DNAH7: variants seen among roughly 807,000 people sequenced by gnomAD.
DNAH7 encodes the protein axonemal beta dynein heavy chain 7.
A neutral mutation model predicts 444.6 loss-of-function variants in DNAH7; 397 were observed. That is an observed-to-expected ratio of 0.89 (90% CI 0.82 to 0.97). The LOEUF (loss-of-function observed/expected upper bound fraction) is 0.97, where lower values mean the gene tolerates loss of function less well. DNAH7 is among the 50% of genes least tolerant of loss of function. DNAH7 has a pLI of 0.00. For missense variants in DNAH7, 4,902 were observed against 4,800.8 expected, an observed-to-expected ratio of 1.02 and a Z score of -0.62; for synonymous variants, 1,636 against 1,624.4, an observed-to-expected ratio of 1.01 and a Z score of -0.17.
chr2:195,763,225 TGTTTATA>T (rs1316044496), intron 61 of DNAH7, among the ~76,000 whole-genome samples: 2 of 152,136 alleles, frequency 1.3e-5, no homozygotes, highest in Non-Finnish European at 2.9e-5. Context: ...GTAAGGTGGA[TGTTTATA>T]GTTTAAGTGT....
chr2:195,876,734 G>T, intron 36 of DNAH7, 35 bp from the exon 37 acceptor site: 1 of 1,434,968 alleles, frequency 7.0e-7, no homozygotes. Flanking sequence ...GCCATAGTTG[G>T]AATTATGTTT....
intron 27 of DNAH7, chr2:195,903,866 T>G (rs575362403): frequency 6.6e-6 from 1 of 152,284 alleles, no homozygotes; most frequent in East Asian, 1.9e-4. Context: ...CTGTGAGAGC[T>G]TGGTAGATAC....
At chr2:195,840,224 T>G (rs1698602708) in intron 47 of DNAH7, among the ~76,000 whole-genome samples, 1 of 151,664 alleles carries the variant, frequency 6.6e-6, no homozygotes, top group African/African-American at 2.4e-5. Context: ...ATCGGTACAA[T>G]TACCATTTTA....
At chr2:195,771,448 A>G (rs1377558731) in intron 61 of DNAH7, among the ~76,000 whole-genome samples, 1 of 152,156 alleles carries the variant, frequency 6.6e-6, no homozygotes, top group African/African-American at 2.4e-5. Flanking sequence ...TCCTATCCCT[A>G]TCTAACATCC....
chr2:195,846,108 A>C (rs1050028429), intron 46 of DNAH7, among the ~76,000 whole-genome samples: 1 of 152,274 alleles, frequency 6.6e-6, no homozygotes, highest in East Asian at 1.9e-4. Context: ...CAAACTATGC[A>C]TCTGACAAAG....
chr2:195,815,818 T>C (rs1019151575), intron 51 of DNAH7, among the ~76,000 whole-genome samples: 3 of 151,730 alleles, frequency 2.0e-5, no homozygotes, highest in African/African-American at 4.8e-5. Context: ...CTGGCTGACA[T>C]GGTGAAACCC....
chr2:196,055,217 G>A (rs750165456), intron 2 of DNAH7, among the ~76,000 whole-genome samples: 3 of 151,948 alleles, frequency 2.0e-5, no homozygotes, highest in Non-Finnish European at 4.4e-5. Flanking sequence ...TTAGCTAGGC[G>A]TGGTGACCCA....
At chr2:195,753,855 T>C (rs1441740291) in intron 63 of DNAH7, among the ~76,000 whole-genome samples, 1 of 152,182 alleles carries the variant, frequency 6.6e-6, no homozygotes, top group African/African-American at 2.4e-5. Context: ...CTATAGGTTT[T>C]GGAATGACAG....
chr2:196,022,116 G>C (rs1313125407), intron 8 of DNAH7, among the ~76,000 whole-genome samples: 4 of 152,070 alleles, frequency 2.6e-5, no homozygotes, highest in Non-Finnish European at 4.4e-5. Flanking sequence ...AAGAGAGTGA[G>C]ACCCTGTCTC....
Position 195,891,771 on chromosome 2 carries a change from C to T in DNAH7, c.4930G>A (p.Val1644Ile). The change falls in exon 31 of 65, where the codon GTT (valine) becomes ATT (isoleucine). Residue 1644 changes from valine (V) to isoleucine (I), a missense_variant. Coordinates refer to ENST00000312428, the MANE Select transcript of DNAH7 (RefSeq NM_018897.3). ...LMEENKVQIT[V>I]LNPKSVTMGQ... ...ATGGTGACAGACTTAGGATTTAAAA[C>T]AGTTATTTGAACTTTGTTTTCTTCC... The T allele has an allele frequency of 6.2e-7, 1 of 1,600,104 alleles. No homozygotes were observed. The highest frequency in any genetic ancestry group is 8.5e-7 in the Non-Finnish European group (1 of 1,174,814).
Position 195,923,713 on chromosome 2 carries a change from A to G in DNAH7, c.3707T>C (p.Leu1236Pro). Residue 1236 changes from leucine to proline, a missense_variant, in exon 23 of 65, where the codon CTG becomes CCG. Coordinates refer to ENST00000312428, the MANE Select transcript of DNAH7 (RefSeq NM_018897.3). The stretch of plus-strand genomic sequence containing the variant: ...GACATCCAGTACCACAAGTGCTCCC[A>G]GAGTTACGCGATTCTGCATGGACAA... ...GKLSMQNRVT[L>P]GALVVLDVHA... The G allele has an allele frequency of 6.2e-7, 1 of 1,614,170 alleles. No homozygotes were observed. Among genetic ancestry groups the G allele is most frequent in the African/African-American group, 1.3e-5 (1 of 75,060 alleles).
At chr2:196,028,115 T>C in intron 5 of DNAH7, 68 bp from the exon 6 acceptor site, 1 of 1,225,516 alleles carries the variant, frequency 8.2e-7, no homozygotes, top group Non-Finnish European at 1.2e-6. Context: ...ACAATGGATA[T>C]AGGAACACCA....
chr2:195,861,967 T>C, intron 41 of DNAH7, 21 bp from the exon 42 acceptor site: 1 of 1,558,726 alleles, frequency 6.4e-7, no homozygotes. Context: ...GATAAATGCT[T>C]TAGCATTTTA....
chr2:195,879,113 A>T (rs1701222808), intron 36 of DNAH7, among the ~76,000 whole-genome samples: 1 of 152,224 alleles, frequency 6.6e-6, no homozygotes, highest in South Asian at 2.1e-4. Context: ...TGTTTAAAGC[A>T]TATAAAAAGC....
At chr2:195,883,346 G>C (rs1346671696) in intron 35 of DNAH7, among the ~76,000 whole-genome samples, 3 of 152,214 alleles carry the variant, frequency 2.0e-5, no homozygotes, top group African/African-American at 7.2e-5. Context: ...ACTCGGAGAG[G>C]CTGAGGCAGG....
intron 29 of DNAH7, among the ~76,000 whole-genome samples, chr2:195,897,123 T>C (rs1269185882): frequency 3.9e-5 from 6 of 152,186 alleles, no homozygotes; most frequent in Non-Finnish European, 5.9e-5. Flanking sequence ...AGGAAAAGAA[T>C]GACACCAAAG....
At chr2:195,961,047 T>G in intron 17 of DNAH7, 102 bp from the exon 18 acceptor site, 2 of 949,006 alleles carry the variant, frequency 2.1e-6, no homozygotes, top group Non-Finnish European at 2.9e-6. Flanking sequence ...CAAAAAAACC[T>G]TACTAAGCCC....
intron 24 of DNAH7, among the ~76,000 whole-genome samples, chr2:195,913,525 C>T (rs1687483987): frequency 6.6e-6 from 1 of 152,050 alleles, no homozygotes; most frequent in South Asian, 2.1e-4. Context: ...ATATAAAGCA[C>T]AAAATAAGAT....
At chr2:195,999,167 A>G in intron 12 of DNAH7, 1 of 717,488 alleles carries the variant, frequency 1.4e-6, no homozygotes, top group South Asian at 1.5e-5. Flanking sequence ...TGAGGAGACG[A>G]AACTTCAGAA....
Sources: allele counts gnomAD v4.1 joint callset (sites outside exome capture counted in the v4.1 genomes callset), GRCh38; gene constraint gnomAD v4.1.1; transcripts MANE v1.5; gene names NCBI Gene and HGNC (gene_info 2026-07-23, HGNC 2026-07-21).